ERBB4: variants seen among roughly 807,000 people sequenced by gnomAD.
ERBB4 encodes receptor tyrosine-protein kinase erbB-4.
Under a neutral mutation model 158.0 loss-of-function variants are expected in ERBB4, and 42 were observed. The ratio of observed to expected loss-of-function variants is 0.27; its 90% CI spans 0.21 to 0.34. The LOEUF is 0.34. ERBB4 is among the 10% of genes least tolerant of loss of function. The probability of loss-of-function intolerance (pLI) is 1.00; values close to 1 mark genes in which losing one functional copy is unlikely to be tolerated. For missense variants in ERBB4, 1,333 were observed against 1,624.1 expected (o/e 0.82, Z 3.08); for synonymous variants, 583 against 558.7 (o/e 1.04, Z -0.61).
chr2:211,386,485 A>G (rs538397262), intron 27 of ERBB4, among the ~76,000 whole-genome samples: 1 of 152,194 alleles, frequency 6.6e-6, no homozygotes, highest in Non-Finnish European at 1.5e-5. Flanking sequence ...GATCTCCGCA[A>G]TTAAGTCCAA....
intron 2 of ERBB4, among the ~76,000 whole-genome samples, chr2:212,034,304 CTA>C (rs2076966545): frequency 6.6e-6 from 1 of 151,824 alleles, no homozygotes; most frequent in Non-Finnish European, 1.5e-5. Flanking sequence ...CTACTTTTGA[CTA>C]TTAAATTACT....
At chr2:211,854,426 C>T (rs2077800013) in intron 3 of ERBB4, among the ~76,000 whole-genome samples, 1 of 152,012 alleles carries the variant, frequency 6.6e-6, no homozygotes, top group Admixed American at 6.6e-5. Flanking sequence ...TAGTCACCAC[C>T]CTGTTCAAGA....
At chr2:211,884,605 T>G (rs2106160730) in intron 3 of ERBB4, among the ~76,000 whole-genome samples, 1 of 152,278 alleles carries the variant, frequency 6.6e-6, no homozygotes, top group East Asian at 1.9e-4. Context: ...AACCAAAATT[T>G]TCTAAAGGTG....
chr2:211,520,941 G>C (rs1431035553), intron 20 of ERBB4, among the ~76,000 whole-genome samples: 1 of 152,042 alleles, frequency 6.6e-6, no homozygotes, highest in Non-Finnish European at 1.5e-5. Flanking sequence ...GAACTTAATG[G>C]ATAAATGTAG....
chr2:211,815,616 T>A (rs896914248), intron 3 of ERBB4, among the ~76,000 whole-genome samples: 1 of 152,196 alleles, frequency 6.6e-6, no homozygotes, highest in South Asian at 2.1e-4. Flanking sequence ...AATTTTTGTT[T>A]ATGGTGTATG....
At chr2:211,554,909 A>T (rs1173975828) in intron 20 of ERBB4, among the ~76,000 whole-genome samples, 2 of 152,236 alleles carry the variant, frequency 1.3e-5, no homozygotes, top group Non-Finnish European at 2.9e-5. Flanking sequence ...AGTTAAACAA[A>T]AACAGAAACA....
At chr2:211,690,869 T>G (rs1265502571) in intron 12 of ERBB4, among the ~76,000 whole-genome samples, 1 of 152,198 alleles carries the variant, frequency 6.6e-6, no homozygotes, top group Admixed American at 6.5e-5. Flanking sequence ...TTAGGCAACC[T>G]TTAACTTCTT....
At chr2:212,087,268 A>G (rs1208079631) in intron 2 of ERBB4, among the ~76,000 whole-genome samples, 2 of 138,736 alleles carry the variant, frequency 1.4e-5, no homozygotes, top group Non-Finnish European at 3.2e-5. Context: ...TATGTTGCTT[A>G]GAGACTTAGG....
At chr2:212,161,852 C>A (rs544781879) in intron 1 of ERBB4, among the ~76,000 whole-genome samples, 14 of 151,768 alleles carry the variant, frequency 9.2e-5, no homozygotes, top group Non-Finnish European at 2.1e-4. Context: ...TGAATTGGGA[C>A]TAATTTTTAT....
chr2:212,373,007 G>C (rs1204149604), intron 1 of ERBB4, among the ~76,000 whole-genome samples: 4 of 152,060 alleles, frequency 2.6e-5, no homozygotes, highest in Non-Finnish European at 5.9e-5. Flanking sequence ...GAAAATAGAA[G>C]AAACTTCCAA....
At chr2:211,984,128 C>T (rs2081876079) in intron 2 of ERBB4, among the ~76,000 whole-genome samples, 3 of 152,144 alleles carry the variant, frequency 2.0e-5, no homozygotes, top group Admixed American at 2.0e-4. Flanking sequence ...GGCTTGCTTT[C>T]TTCATCAAAG....
chr2:212,122,528 A>G (rs1317322405), intron 2 of ERBB4, among the ~76,000 whole-genome samples: 1 of 152,086 alleles, frequency 6.6e-6, no homozygotes, highest in Non-Finnish European at 1.5e-5. Context: ...ACCAAAATTT[A>G]CTTTTGTAAA....
chr2:212,015,473 A>T (rs918013785), intron 2 of ERBB4, among the ~76,000 whole-genome samples: 1 of 152,006 alleles, frequency 6.6e-6, no homozygotes, highest in African/African-American at 2.4e-5. Flanking sequence ...ACTCTCAGAC[A>T]AATCTTCCAC....
chr2:212,148,150 T>C (rs2080745282), intron 1 of ERBB4, among the ~76,000 whole-genome samples: 1 of 152,152 alleles, frequency 6.6e-6, no homozygotes, highest in African/African-American at 2.4e-5. Context: ...ATTTTCTTTT[T>C]TTTTTTTATT....
At chr2:211,890,202 A>C (rs1368211842) in intron 3 of ERBB4, among the ~76,000 whole-genome samples, 3 of 86,726 alleles carry the variant, frequency 3.5e-5, no homozygotes, top group Non-Finnish European at 4.6e-5. Flanking sequence ...CTAACAGCGG[A>C]TCTCTCGGCA....
At chr2:212,219,026 T>A (rs1021665734) in intron 1 of ERBB4, among the ~76,000 whole-genome samples, 2 of 150,896 alleles carry the variant, frequency 1.3e-5, no homozygotes, top group Non-Finnish European at 3.0e-5. Flanking sequence ...CATTCCTTTT[T>A]ATGATGCCAA....
At chr2:211,787,193 TATATA>T (rs1220895878) in intron 4 of ERBB4, among the ~76,000 whole-genome samples, 1 of 152,126 alleles carries the variant, frequency 6.6e-6, no homozygotes, top group Non-Finnish European at 1.5e-5. Flanking sequence ...AGGTGGGAAA[TATATA>T]ATAGATGAGA....
At chr2:212,238,273 C>T (rs545602048) in intron 1 of ERBB4, among the ~76,000 whole-genome samples, 27 of 152,282 alleles carry the variant, frequency 1.8e-4, no homozygotes, top group African/African-American at 4.6e-4. Context: ...GCATTTGGGC[C>T]GGAATGCACC....
At chr2:212,226,714 T>A (rs557878111) in intron 1 of ERBB4, among the ~76,000 whole-genome samples, 2 of 152,264 alleles carry the variant, frequency 1.3e-5, no homozygotes, top group South Asian at 4.1e-4. Context: ...GTTGCTTTTT[T>A]TAATCTGTCT....
Sources: allele counts gnomAD v4.1 joint callset (sites outside exome capture counted in the v4.1 genomes callset), GRCh38; gene constraint gnomAD v4.1.1; transcripts MANE v1.5; gene names NCBI Gene and HGNC (gene_info 2026-07-23, HGNC 2026-07-21).